Variants in NUFIP1 observed in about 807,000 individuals in gnomAD.
NUFIP1 encodes the protein nuclear FMR1 interacting protein 1, also known as FMR1-interacting protein NUFIP1.
Under a neutral mutation model 56.2 loss-of-function variants are expected in NUFIP1, and 38 were observed. The ratio of observed to expected loss-of-function variants is 0.68; its 90% CI spans 0.52 to 0.89. The LOEUF (loss-of-function observed/expected upper bound fraction) is 0.89. Among genes scored for constraint, NUFIP1 ranks in the 40% least tolerant of loss-of-function variants. The pLI, the probability that NUFIP1 is intolerant of heterozygous loss-of-function variation, is 0.00. For synonymous variants in NUFIP1, 215 were observed against 212.4 expected (o/e 1.01, Z -0.10); for missense variants, 567 against 605.8 (o/e 0.94, Z 0.67).
intron 5 of NUFIP1, among the ~76,000 whole-genome samples, chr13:44,973,263 T>C (rs1010711748): frequency 6.6e-6 from 1 of 152,212 alleles, no homozygotes; most frequent in Non-Finnish European, 1.5e-5. Context: ...TACCCTACCC[T>C]ATGTAGTGAG....
At chr13:44,970,841 ATTT>A (rs922732762) in intron 5 of NUFIP1, among the ~76,000 whole-genome samples, 1 of 151,714 alleles carries the variant, frequency 6.6e-6, no homozygotes, top group Non-Finnish European at 1.5e-5. Flanking sequence ...TGCCCAGCTA[ATTT>A]TTTTTATTTT....
intron 6 of NUFIP1, among the ~76,000 whole-genome samples, chr13:44,964,917 G>A (rs1230962228): frequency 6.6e-6 from 1 of 152,194 alleles, no homozygotes; most frequent in African/African-American, 2.4e-5. Context: ...GCAAGATCCA[G>A]AAGGATGAAA....
chr13:44,980,076 A>T, intron 3 of NUFIP1, 124 bp from the exon 4 acceptor site: 1 of 608,908 alleles, frequency 1.6e-6, no homozygotes, highest in Non-Finnish European at 2.7e-6. Flanking sequence ...GTATAGTATT[A>T]TCTCTGCATA....
intron 5 of NUFIP1, among the ~76,000 whole-genome samples, chr13:44,976,697 T>G (rs982322366): frequency 2.0e-5 from 3 of 152,198 alleles, no homozygotes; most frequent in African/African-American, 7.2e-5. Context: ...CCATTTTATG[T>G]TGCTATAACT....
intron 5 of NUFIP1, among the ~76,000 whole-genome samples, chr13:44,968,073 G>A (rs918839377): frequency 1.3e-4 from 19 of 151,644 alleles, no homozygotes; most frequent in African/African-American, 4.1e-4. Flanking sequence ...AAGTGGTTAA[G>A]TAATCAGAAA....
intron 5 of NUFIP1, 47 bp downstream of exon 5, chr13:44,979,143 C>T (rs1351784308): frequency 4.9e-6 from 7 of 1,427,166 alleles, no homozygotes; most frequent in Admixed American, 1.9e-5. Flanking sequence ...ATTAATAAGC[C>T]TTGTCACAGT....
chr13:44,960,426 C>T (rs1051646463), intron 6 of NUFIP1, among the ~76,000 whole-genome samples: 1 of 151,592 alleles, frequency 6.6e-6, no homozygotes, highest in South Asian at 2.1e-4. Flanking sequence ...CCACCATCAG[C>T]CCGGCTAATT....
chr13:44,982,276 G>A, intron 1 of NUFIP1, 122 bp from the exon 2 acceptor site: 1 of 412,996 alleles, frequency 2.4e-6, no homozygotes, highest in South Asian at 8.3e-5. Flanking sequence ...TACCCTTCTA[G>A]GAAGAATACT....
intron 7 of NUFIP1, among the ~76,000 whole-genome samples, chr13:44,956,100 C>T (rs1276919075): frequency 6.8e-6 from 1 of 146,952 alleles, no homozygotes; most frequent in Non-Finnish European, 1.5e-5. Context: ...GCCGAGATTG[C>T]GCCACTGCAC....
intron 5 of NUFIP1, among the ~76,000 whole-genome samples, chr13:44,974,928 C>T (rs950918611): frequency 6.6e-6 from 1 of 152,164 alleles, no homozygotes; most frequent in Non-Finnish European, 1.5e-5. Flanking sequence ...AGGAGAAAGG[C>T]CAAGGAGTAA....
chr13:44,949,405 T>G (rs1439247876), intron 8 of NUFIP1, among the ~76,000 whole-genome samples: 3 of 151,402 alleles, frequency 2.0e-5, no homozygotes, highest in African/African-American at 7.3e-5. Flanking sequence ...GTTTCACCGT[T>G]TTAGCCGGGA....
intron 6 of NUFIP1, among the ~76,000 whole-genome samples, chr13:44,964,714 T>TG (rs200235797): frequency 1.3e-5 from 2 of 152,036 alleles, no homozygotes; most frequent in East Asian, 3.9e-4. Context: ...TATCCAAGGT[T>TG]GGGGGAAAAA....
At chr13:44,979,821 C>T in intron 4 of NUFIP1, 69 bp downstream of exon 4, 1 of 1,112,484 alleles carries the variant, frequency 9.0e-7, no homozygotes, top group Admixed American at 2.4e-5. Context: ...TATAAATAAA[C>T]AGTTGTGAAG....
At chr13:44,952,350 C>T (rs1245357905) in intron 7 of NUFIP1, among the ~76,000 whole-genome samples, 3 of 152,146 alleles carry the variant, frequency 2.0e-5, no homozygotes, top group Admixed American at 2.0e-4. Flanking sequence ...GTCTCGAACT[C>T]CTTACCTCAA....
intron 9 of NUFIP1, among the ~76,000 whole-genome samples, chr13:44,942,321 A>C (rs773358938): frequency 1.2e-4 from 18 of 152,214 alleles, no homozygotes; most frequent in Non-Finnish European, 1.9e-4. Context: ...GTTTGCCAAA[A>C]AGGAATTTAT....
chr13:44,986,642 A>G (rs1872406264), intron 1 of NUFIP1, among the ~76,000 whole-genome samples: 1 of 151,120 alleles, frequency 6.6e-6, no homozygotes, highest in South Asian at 2.1e-4. Flanking sequence ...CAATGAGCCA[A>G]GATCGAGCCA....
At chr13:44,985,509 C>G (rs1372084421) in intron 1 of NUFIP1, among the ~76,000 whole-genome samples, 1 of 152,228 alleles carries the variant, frequency 6.6e-6, no homozygotes, top group Admixed American at 6.5e-5. Flanking sequence ...GCAGGTCTAT[C>G]AGCACCATTT....
At chr13:44,976,769 G>A (rs760963417) in intron 5 of NUFIP1, among the ~76,000 whole-genome samples, 1 of 152,122 alleles carries the variant, frequency 6.6e-6, no homozygotes, top group Non-Finnish European at 1.5e-5. Flanking sequence ...CAGTTTTGGT[G>A]GCTGGGTGGG....
chr13:44,959,668 G>T (rs1297717474), intron 6 of NUFIP1, 94 bp from the exon 7 acceptor site: 13 of 973,488 alleles, frequency 1.3e-5, no homozygotes, highest in Non-Finnish European at 2.0e-5. Context: ...AAACCTAGCT[G>T]TAAAACTGAT....
Sources: gnomAD v4.1 joint callset for allele counts (sites outside exome capture counted in the v4.1 genomes callset) on GRCh38, gnomAD v4.1.1 for gene constraint, MANE v1.5 for transcripts, NCBI Gene and HGNC (gene_info 2026-07-23, HGNC 2026-07-21) for gene names.